COL21A1: variants seen among roughly 807,000 people sequenced by gnomAD.
The protein encoded by COL21A1 is collagen alpha-1(XXI) chain.
COL21A1 carries 149 observed loss-of-function variants against 137.9 expected under a neutral mutation model. The ratio of observed to expected loss-of-function variants is 1.08; its 90% CI spans 0.95 to 1.24. The LOEUF (loss-of-function observed/expected upper bound fraction) is 1.24, where lower values mean the gene tolerates loss of function less well. Among genes scored for constraint, COL21A1 ranks in the 50% most tolerant of loss-of-function variants. COL21A1 has a pLI of 0.00. For missense variants in COL21A1, 1,167 were observed against 1,158.4 expected, an observed-to-expected ratio of 1.01 and a Z score of -0.11; for synonymous variants, 456 against 391.5, an observed-to-expected ratio of 1.16 and a Z score of -1.95.
chr6:56,134,648 A>C, intron 12 of COL21A1, among the ~76,000 whole-genome samples: 1 of 152,242 alleles, frequency 6.6e-6, no homozygotes, highest in East Asian at 1.9e-4. Flanking sequence ...TAACTTCCAT[A>C]ATTCCCACTT....
chr6:56,106,586 T>A (rs1359752888), intron 16 of COL21A1, among the ~76,000 whole-genome samples: 1 of 152,188 alleles, frequency 6.6e-6, no homozygotes, highest in Non-Finnish European at 1.5e-5. Context: ...ACCAGCAAGC[T>A]ATCCAAACAT....
intron 12 of COL21A1, among the ~76,000 whole-genome samples, chr6:56,132,092 T>C (rs1773602551): frequency 6.6e-6 from 1 of 150,630 alleles, no homozygotes; most frequent in Non-Finnish European, 1.5e-5. Context: ...TAGCTTTTTA[T>C]ATATATAATA....
intron 1 of COL21A1, among the ~76,000 whole-genome samples, chr6:56,267,791 G>C (rs1383789950): frequency 1.5e-5 from 2 of 130,998 alleles, no homozygotes; most frequent in African/African-American, 2.6e-5. Context: ...AGAAGAAGAA[G>C]AGAGCCTCCT....
chr6:56,301,671 G>A (rs1342615659), intron 1 of COL21A1, among the ~76,000 whole-genome samples: 5 of 151,912 alleles, frequency 3.3e-5, no homozygotes, highest in South Asian at 2.1e-4. Context: ...CAACACAATA[G>A]CCACTAACCA....
rs115839538 is a variant in COL21A1, at chr6:56,094,393, A to G, written c.1812+7079T>C. Among the ~76,000 whole-genome samples the G allele has an allele frequency of 1.3e-3, 192 of 152,218 alleles. 4 individuals are homozygous for G. The highest frequency in any genetic ancestry group is 4.3e-3 in the African/African-American group (180 of 41,550). ...CTAGCAACAGTGTGTTGATGATGCT[A>G]TACATATTTTCTAAGATGAGAAAGG... On this transcript the variant is annotated intron_variant, in intron 17 of 29. Coordinates refer to ENST00000244728, the MANE Select transcript of COL21A1 (RefSeq NM_030820.4).
At chr6:56,158,361 C>T (rs778909471) in intron 9 of COL21A1, among the ~76,000 whole-genome samples, 30 of 145,586 alleles carry the variant, frequency 2.1e-4, no homozygotes, top group Non-Finnish European at 2.2e-4. Flanking sequence ...TAGCTTCAAC[C>T]TCCCAGGCTC....
chr6:56,276,446 C>A, intron 1 of COL21A1: 3 of 606,410 alleles, frequency 4.9e-6, no homozygotes, highest in South Asian at 2.4e-5. Context: ...CAACAAAAGT[C>A]TTTCTTTCTA....
chr6:56,061,645 A>G lies in COL21A1; in HGVS notation c.2205+4T>C. 6.3e-7 allele frequency: 1 copy of G among 1,584,586 alleles called. No homozygotes were observed. The highest frequency in any genetic ancestry group is 8.6e-7 in the Non-Finnish European group (1 of 1,158,260). On this transcript the variant is annotated splice_donor_region_variant and intron_variant, in intron 25 of 29. Coordinates refer to ENST00000244728, the MANE Select transcript of COL21A1 (RefSeq NM_030820.4). ...AAGAGAGCATAATATATGAAGAAACATACCTCTCCTTTTGCACCATGATGG... is the reference window on the plus strand; with the variant it reads ...AAGAGAGCATAATATATGAAGAAACGTACCTCTCCTTTTGCACCATGATGG...
At position 56,068,114 on chromosome 6, in the gene COL21A1, G is replaced by A. The variant is rs369618481; in HGVS notation, c.2092-784C>T. ...TAGATTTACTTAACATTTACTAAGAGTCTAACACTTGATGGCTGTTATGTG... is the reference window on the plus strand; with the variant it reads ...TAGATTTACTTAACATTTACTAAGAATCTAACACTTGATGGCTGTTATGTG... On this transcript the variant is annotated intron_variant, in intron 22 of 29. Coordinates refer to ENST00000244728, the MANE Select transcript of COL21A1 (RefSeq NM_030820.4). Among the ~76,000 whole-genome samples the A allele has an allele frequency of 2.6e-5, 4 of 151,724 alleles. No homozygotes were observed. In the East Asian group the frequency reaches 7.8e-4, roughly 30 times the overall value.
rs1053094284 is a variant in COL21A1 at position 56,123,931 on chromosome 6, A to G, written c.1758+131T>C. 1.4e-5 allele frequency: 10 copies of G among 730,528 alleles called. No individual in the cohort carries two copies. The African/African-American group carries it at 1.8e-4, about 13-fold the overall frequency. The allele number at this position is 730,528 out of a possible 1,614,324, so 45.3% of individuals were successfully genotyped here. A position where few individuals can be genotyped will look rare whatever the true frequency, so the allele number is the denominator to read the frequency against. On this transcript the variant is annotated intron_variant, in intron 16 of 29. Coordinates refer to ENST00000244728, the MANE Select transcript of COL21A1 (RefSeq NM_030820.4). Reference sequence around the variant, plus strand: ...AGCATTTTTAAATTACACGTAAAAAACCTTTTAGCTCATGAATTTTATCCC... The same window carrying G: ...AGCATTTTTAAATTACACGTAAAAAGCCTTTTAGCTCATGAATTTTATCCC...
At chr6:56,334,966 T>C (rs1481478551) in intron 1 of COL21A1, among the ~76,000 whole-genome samples, 1 of 152,162 alleles carries the variant, frequency 6.6e-6, no homozygotes, top group Admixed American at 6.5e-5. Flanking sequence ...TTCCAGGCCT[T>C]CAGAACTGTG....
Position 56,318,906 on chromosome 6 carries a change from T to G in COL21A1, c.-39+75065A>C, listed in dbSNP as rs983834100. 2.4e-5 allele frequency among the ~76,000 whole-genome samples: 3 copies of G among 124,282 alleles called. No homozygotes were observed. In the Admixed American group the frequency reaches 2.4e-4, roughly 10 times the overall value. The allele number at this position is 124,282 out of a possible 152,430, so 81.5% of individuals were successfully genotyped here. On this transcript the variant is annotated intron_variant, in intron 1 of 28. Coordinates refer to the COL21A1 transcript ENST00000370819. The stretch of plus-strand genomic sequence containing the variant: ...GTACCTATTGTCCAAAATTCCTTCC[T>G]ACCCCACCTCCCCCCAAACACACAC...
In COL21A1 at chr6:56,098,538, TAA is replaced by T. The variant is rs1215665622; in HGVS notation, c.1812+2932_1812+2933del. Among the ~76,000 whole-genome samples the T allele has an allele frequency of 9.6e-4, 17 of 17,626 alleles. 2 individuals are homozygous for T. Among genetic ancestry groups the T allele is most frequent in the African/African-American group, 4.7e-3 (16 of 3,428 alleles). The allele number at this position is 17,626 out of a possible 152,430, so 11.6% of individuals were successfully genotyped here. A position where few individuals can be genotyped will look rare whatever the true frequency, so the allele number is the denominator to read the frequency against. ...ATATATAAATATATAAATATATATA[TAA>T]ATATATAAATATATATAAATATATA... On this transcript the variant is annotated intron_variant, in intron 17 of 29. Coordinates refer to ENST00000244728, the MANE Select transcript of COL21A1 (RefSeq NM_030820.4).
chr6:56,238,402 TGGATGCTGAAACTC>T (rs1782048274), intron 1 of COL21A1, among the ~76,000 whole-genome samples: 1 of 136,590 alleles, frequency 7.3e-6, no homozygotes, highest in Non-Finnish European at 1.5e-5. Flanking sequence ...GAGAAGGCAG[TGGATGCTGAAACTC>T]GGGGCAGTCT....
rs1767029541 is a variant in COL21A1, at chr6:56,074,405, A to T, written c.1912-120T>A. 3.9e-5 allele frequency: 23 copies of T among 588,176 alleles called. 2 individuals carry two copies. The South Asian group carries it at 6.2e-4, about 16-fold the overall frequency. 36.4% of individuals were successfully genotyped at this position (588,176 alleles called of 1,614,324 possible). On this transcript the variant is annotated intron_variant, in intron 19 of 29. Transcript: ENST00000244728. Reference sequence around the variant, plus strand: ...CACTAAATTATAATACAGATCTGAAAATATAATACAATATTTAGAAAATTA... The same window carrying T: ...CACTAAATTATAATACAGATCTGAATATATAATACAATATTTAGAAAATTA...
chr6:56,121,547 C>T (rs557211430), intron 16 of COL21A1, among the ~76,000 whole-genome samples: 20,436 of 141,068 alleles, frequency 0.14, 1,507 homozygotes, highest in Middle Eastern at 0.23. Flanking sequence ...TATGTATATT[C>T]ATATGTATAT....
At chr6:56,095,363 T>G (rs937449160) in intron 17 of COL21A1, among the ~76,000 whole-genome samples, 2 of 152,116 alleles carry the variant, frequency 1.3e-5, no homozygotes, top group African/African-American at 4.8e-5. Flanking sequence ...CCTCAAGCCC[T>G]GCTAGTACCT....
chr6:56,161,974 C>T (rs1776237352), intron 9 of COL21A1, among the ~76,000 whole-genome samples: 1 of 152,202 alleles, frequency 6.6e-6, no homozygotes, highest in Non-Finnish European at 1.5e-5. Context: ...TAGATCTGTT[C>T]TTTACAGGTC....
chr6:56,333,101 T>G (rs1765266297), intron 1 of COL21A1, among the ~76,000 whole-genome samples: 1 of 152,128 alleles, frequency 6.6e-6, no homozygotes. Context: ...TTTTCTAATT[T>G]TTTGAAACAG....
Sources: gnomAD v4.1 joint callset for allele counts (sites outside exome capture counted in the v4.1 genomes callset) on GRCh38, gnomAD v4.1.1 for gene constraint, MANE v1.5 for transcripts, NCBI Gene and HGNC (gene_info 2026-07-23, HGNC 2026-07-21) for gene names.